Variants in ATP2B4 observed in about 807,000 individuals in gnomAD.
The protein encoded by ATP2B4 is ATPase plasma membrane Ca2+ transporting 4, also known as plasma membrane calcium-transporting ATPase 4.
In ATP2B4, 39 loss-of-function variants were observed where a neutral mutation model predicts 110.3. The ratio of observed to expected loss-of-function variants is 0.35; its 90% CI spans 0.27 to 0.46. The LOEUF (loss-of-function observed/expected upper bound fraction) is 0.46. ATP2B4 is among the 20% of genes least tolerant of loss of function. ATP2B4 has a pLI of 1.00. For synonymous variants in ATP2B4, 538 were observed against 571.7 expected (o/e 0.94, Z 0.84); for missense variants, 1,135 against 1,530.9 (o/e 0.74, Z 4.32).
At chr1:203,736,525 C>T (rs1341747638) in intron 20 of ATP2B4, among the ~76,000 whole-genome samples, 1 of 152,036 alleles carries the variant, frequency 6.6e-6, no homozygotes, top group Non-Finnish European at 1.5e-5. Context: ...CTTCACCTGC[C>T]CACTCATTGA....
intron 2 of ATP2B4, among the ~76,000 whole-genome samples, chr1:203,684,148 A>G (rs1422174720): frequency 1.3e-5 from 2 of 152,128 alleles, no homozygotes; most frequent in African/African-American, 4.8e-5. Context: ...TAATGAATGG[A>G]GGAAGGAAGG....
At chr1:203,632,400 G>T (rs926103359) in intron 1 of ATP2B4, among the ~76,000 whole-genome samples, 4 of 151,718 alleles carry the variant, frequency 2.6e-5, no homozygotes, top group Admixed American at 2.0e-4. Context: ...CTGGAGTGCG[G>T]TGGTGGGATC....
Position 203,723,891 on chromosome 1 carries a change from T to C in ATP2B4, c.3035T>C (p.Val1012Ala). 1.2e-6 allele frequency: 2 copies of C among 1,605,636 alleles called. No individual in the cohort carries two copies. The highest frequency in any genetic ancestry group is 1.3e-5 in the African/African-American group (1 of 74,566). The change falls in exon 19 of 21, where the codon GTG becomes GCG. Residue 1012 changes from valine (V) to alanine (A), a missense_variant. Physicochemically the swap from Val to Ala is moderately conservative, Grantham distance 64. This residue lies in a region of ATP2B4 where 155 missense variants were observed against 186.2 expected (regional missense o/e 0.83). Coordinates refer to ENST00000357681, the MANE Select transcript of ATP2B4 (RefSeq NM_001684.5). ...CTTTCTCTGTTCTAGATTTTCATCG[T>C]GGAATTTGGGGGTAAACCCTTCAGT... ...LGTFICQIFI[V>A]EFGGKPFSCT... is the part of the protein sequence containing the mutation.
intron 20 of ATP2B4, among the ~76,000 whole-genome samples, chr1:203,734,614 G>A (rs1285755791): frequency 6.6e-6 from 1 of 151,642 alleles, no homozygotes; most frequent in African/African-American, 2.4e-5. Context: ...GCTGAGGCGG[G>A]AGAATCACTT....
At chr1:203,694,939 A>G (rs1229694570) in intron 2 of ATP2B4, among the ~76,000 whole-genome samples, 2 of 152,174 alleles carry the variant, frequency 1.3e-5, no homozygotes, top group East Asian at 1.9e-4. Flanking sequence ...ATGATATAGG[A>G]GATGGGGGCT....
intron 1 of ATP2B4, among the ~76,000 whole-genome samples, chr1:203,644,604 A>G (rs1034105616): frequency 1.3e-5 from 2 of 152,204 alleles, no homozygotes; most frequent in African/African-American, 4.8e-5. Context: ...TTCAACTCTA[A>G]CATTCTCTGC....
At chr1:203,628,281 G>T (rs919096564) in intron 1 of ATP2B4, among the ~76,000 whole-genome samples, 4 of 152,090 alleles carry the variant, frequency 2.6e-5, no homozygotes, top group Non-Finnish European at 5.9e-5. Context: ...AGTCGAGTCT[G>T]GCCTCTTACA....
At chr1:203,738,221 G>A (rs192340356) in intron 20 of ATP2B4, among the ~76,000 whole-genome samples, 23 of 151,626 alleles carry the variant, frequency 1.5e-4, no homozygotes, top group African/African-American at 4.4e-4. Context: ...AACTAGAACC[G>A]TCCTACAACC....
chr1:203,635,233 C>T (rs1366598972), intron 1 of ATP2B4, among the ~76,000 whole-genome samples: 1 of 152,144 alleles, frequency 6.6e-6, no homozygotes, highest in Admixed American at 6.5e-5. Flanking sequence ...CTCAGCCTCC[C>T]AAAGTGCTGG....
rs549197781 is a variant in ATP2B4, at chr1:203,684,529, T to C, written c.193+1131T>C. Among the ~76,000 whole-genome samples the C allele has an allele frequency of 3.3e-5, 5 of 152,130 alleles. No individual in the cohort carries two copies. The East Asian group carries it at 5.8e-4, about 18-fold the overall frequency. ...TGCACCACCACGCCCAGCTAATTTT[T>C]TGTATTTTAGTAGAGATGGGATTTC... On this transcript the variant is annotated intron_variant, in intron 2 of 20. Transcript: ENST00000357681.
At chr1:203,680,082 G>A (rs938606850) in intron 1 of ATP2B4, among the ~76,000 whole-genome samples, 33 of 143,264 alleles carry the variant, frequency 2.3e-4, no homozygotes, top group Non-Finnish European at 7.7e-5. Flanking sequence ...AAAAAAAAAG[G>A]AAGGAATTCT....
chr1:203,657,243 T>G, intron 1 of ATP2B4: 3 of 714,454 alleles, frequency 4.2e-6, no homozygotes. Flanking sequence ...GATCAGTCTT[T>G]CTTATTTAGG....
At chr1:203,695,909 C>G (rs1368431374) in intron 2 of ATP2B4, among the ~76,000 whole-genome samples, 1 of 152,130 alleles carries the variant, frequency 6.6e-6, no homozygotes, top group East Asian at 1.9e-4. Flanking sequence ...CCAAATCTCT[C>G]CTTTTGACAT....
chr1:203,642,439 A>G lies in ATP2B4; in HGVS notation c.-465+15220A>G, dbSNP rs561116068. Among the ~76,000 whole-genome samples, 30 of 152,304 alleles carry G rather than the reference A, an allele frequency of 2.0e-4. 1 individual carries two copies. In the South Asian group the frequency reaches 6.0e-3, roughly 30 times the overall value. On this transcript the variant is annotated intron_variant, in intron 1 of 20. Coordinates refer to ENST00000357681, the MANE Select transcript of ATP2B4 (RefSeq NM_001684.5). ...AGCAATATAGAAAAGTCTGAAAGAA[A>G]GTATGACCCTGGATTTATCTGTGTT...
intron 1 of ATP2B4, among the ~76,000 whole-genome samples, chr1:203,645,534 A>G (rs1396939651): frequency 6.7e-6 from 1 of 149,330 alleles, no homozygotes; most frequent in Non-Finnish European, 1.5e-5. Flanking sequence ...CTTTGCATTT[A>G]TCACAGTCAT....
In ATP2B4 at chr1:203,683,518, T is replaced by G. The variant is rs563705904; in HGVS notation, c.193+120T>G. On this transcript the variant is annotated intron_variant, in intron 2 of 20. Coordinates refer to ENST00000357681, the MANE Select transcript of ATP2B4 (RefSeq NM_001684.5). ...GCCCAGCTGGTATATTTTTGTCTGG[T>G]GGGAAAGGTATGGCATCTGAAGCAC... 1.2e-3 allele frequency: 1,267 copies of G among 1,059,712 alleles called. 2 individuals are homozygous for G. The highest frequency in any genetic ancestry group is 1.5e-3 in the Non-Finnish European group (1,159 of 763,840). 65.6% of individuals were successfully genotyped at this position (1,059,712 alleles called of 1,614,324 possible).
chr1:203,700,594 G>A (rs554778205), intron 5 of ATP2B4, among the ~76,000 whole-genome samples: 51 of 152,306 alleles, frequency 3.3e-4, no homozygotes, highest in Admixed American at 2.1e-3. Context: ...ACCCTAAAGC[G>A]GTTAGACACA....
chr1:203,643,113 G>A (rs568576369), intron 1 of ATP2B4, among the ~76,000 whole-genome samples: 5 of 152,158 alleles, frequency 3.3e-5, no homozygotes, highest in Non-Finnish European at 7.4e-5. Flanking sequence ...CCATCAAAGG[G>A]CATGCAGGGG....
chr1:203,711,603 G>A (rs1666011898), intron 12 of ATP2B4, among the ~76,000 whole-genome samples: 1 of 152,162 alleles, frequency 6.6e-6, no homozygotes, highest in Non-Finnish European at 1.5e-5. Context: ...GGTGGGTGGA[G>A]AGTGGCAAAA....
Sources: gnomAD v4.1 joint callset for allele counts (sites outside exome capture counted in the v4.1 genomes callset) on GRCh38, gnomAD v4.1.1 for gene constraint, gnomAD v4.1.1 regional missense constraint, MANE v1.5 for transcripts, NCBI Gene and HGNC (gene_info 2026-07-23, HGNC 2026-07-21) for gene names.